Variants in KIF24 observed in about 807,000 individuals in gnomAD.
KIF24 encodes kinesin-like protein KIF24.
A neutral mutation model predicts 118.9 loss-of-function variants in KIF24; 81 were observed. The ratio of observed to expected loss-of-function variants is 0.68; its 90% CI spans 0.57 to 0.82. The LOEUF is 0.82. Ranked by LOEUF, KIF24 falls within the 40% of genes least tolerant of loss-of-function variation. KIF24 has a pLI of 0.00. For missense variants in KIF24, 1,560 were observed against 1,661.6 expected, an observed-to-expected ratio of 0.94 and a Z score of 1.06; for synonymous variants, 599 against 610.0, an observed-to-expected ratio of 0.98 and a Z score of 0.27.
At chr9:34,295,152 A>C (rs1836415437) in intron 4 of KIF24, among the ~76,000 whole-genome samples, 2 of 151,586 alleles carry the variant, frequency 1.3e-5, no homozygotes, top group Admixed American at 1.3e-4. Context: ...GGTAGATTAG[A>C]TAGGTAGGTA....
At chr9:34,275,348 C>T (rs943617001) in intron 6 of KIF24, among the ~76,000 whole-genome samples, 20 of 151,806 alleles carry the variant, frequency 1.3e-4, no homozygotes, top group Middle Eastern at 3.4e-3. Flanking sequence ...GAACTGATAT[C>T]GCACCACTGC....
upstream of KIF24, among the ~76,000 whole-genome samples, chr9:34,329,806 A>G (rs2131847561): frequency 6.6e-6 from 1 of 152,054 alleles, no homozygotes; most frequent in Admixed American, 6.6e-5. Context: ...GGGAGAAGGG[A>G]GGTTCCCTGA....
chr9:34,263,095 CTT>C lies in KIF24; in HGVS notation c.1515+4_1515+5del. On this transcript the variant is annotated splice_donor_5th_base_variant and intron_variant, in intron 9 of 12. Coordinates refer to ENST00000402558, the MANE Select transcript of KIF24 (RefSeq NM_194313.4). ...GAACAAACTCAAGGCTCACATTTAA[CTT>C]TACCTGAGTTAGTTTGCTTTGCCTG... The C allele has an allele frequency of 6.2e-7, 1 of 1,607,624 alleles. No individual in the cohort carries two copies. Among genetic ancestry groups the C allele is most frequent in the Non-Finnish European group, 8.5e-7 (1 of 1,174,654 alleles).
In KIF24 at chr9:34,277,406, T is replaced by A. The variant is rs571847535; in HGVS notation, c.1216-5476A>T. Among the ~76,000 whole-genome samples the A allele has an allele frequency of 5.3e-5, 8 of 152,294 alleles. No homozygotes were observed. The South Asian group carries it at 1.7e-3, about 32-fold the overall frequency. ...CTCTTCTACATGTGAGTAATGATGT[T>A]ACTAATGATGCTAGTCCACTGAGAC... On this transcript the variant is annotated intron_variant, in intron 6 of 12. Transcript: ENST00000402558.
chr9:34,316,209 G>A (rs1344151298), intron 1 of KIF24, among the ~76,000 whole-genome samples: 1 of 150,522 alleles, frequency 6.6e-6, no homozygotes, highest in Non-Finnish European at 1.5e-5. Flanking sequence ...TTAGCTGGGT[G>A]TGGTGGCAAG....
rs2131665494 is a variant in KIF24 at position 34,257,541 on chromosome 9, C to T, written c.2066G>A (p.Gly689Asp). The T allele has an allele frequency of 6.2e-7, 1 of 1,614,078 alleles. No homozygotes were observed. The highest frequency in any genetic ancestry group is 8.5e-7 in the Non-Finnish European group (1 of 1,179,894). Residue 689 changes from glycine to aspartate, a missense_variant, in exon 11 of 13, where the codon GGC becomes GAC. Around this residue, in one of 3 missense-constraint regions of KIF24, gnomAD observed 964 missense variants for 988.0 expected, o/e 0.98. Transcript: ENST00000402558. Reference sequence around the variant, plus strand: ...ACCACGCACTAGGCCTTCTCCTGGGCCTGAGGCCCTGCTTTCCCACCCAAG... The same window carrying T: ...ACCACGCACTAGGCCTTCTCCTGGGTCTGAGGCCCTGCTTTCCCACCCAAG... Reference protein sequence around the residue: ...TVLGWESRASGPGEGLVRGKL... With the variant: ...TVLGWESRASDPGEGLVRGKL...
chr9:34,279,452 C>T (rs1835767479), intron 6 of KIF24, among the ~76,000 whole-genome samples: 1 of 152,214 alleles, frequency 6.6e-6, no homozygotes, highest in Admixed American at 6.5e-5. Context: ...ATCTCTAAAA[C>T]TGAAAAACAT....
rs1341270125 is a variant in KIF24, at chr9:34,257,886, G to A, written c.1721C>T (p.Ser574Phe). 3.1e-6 allele frequency: 5 copies of A among 1,614,034 alleles called. No individual in the cohort carries two copies. Among genetic ancestry groups the A allele is most frequent in the Non-Finnish European group, 4.2e-6 (5 of 1,179,892 alleles). Residue 574 changes from serine (S) to phenylalanine (F), a missense_variant, in exon 11 of 13, where the codon TCC (serine) becomes TTC (phenylalanine). Physicochemically the swap from Ser to Phe is radical, Grantham distance 155. This residue lies in a region of KIF24 where 964 missense variants were observed against 988.0 expected (regional missense o/e 0.98). Coordinates refer to ENST00000402558, the MANE Select transcript of KIF24 (RefSeq NM_194313.4). ...GNSSPKRIQS[S>F]PGALSEDKCS... ...TTTGTCCTCTGACAAAGCCCCAGGGGAGCTCTGAATTCGTTTTGGAGAGGA... is the reference window on the plus strand; with the variant it reads ...TTTGTCCTCTGACAAAGCCCCAGGGAAGCTCTGAATTCGTTTTGGAGAGGA...
rs555031202 is a variant in KIF24 at position 34,256,402 on chromosome 9, C to G, written c.3205G>C (p.Glu1069Gln). ...NPDNEGSPPS[E>Q]QLVQDGATHS... is the part of the protein sequence containing the mutation. ...GTAGCCCCATCCTGGACCAGCTGCT[C>G]CGAGGGAGGAGACCCTTCGTTGTCT... Residue 1069 changes from glutamate (E) to glutamine (Q), a missense_variant, in exon 11 of 13, where the codon GAG becomes CAG. Glu to Gln is a conservative substitution (Grantham distance 29). Around this residue, in one of 3 missense-constraint regions of KIF24, gnomAD observed 591 missense variants for 655.6 expected, o/e 0.90. Coordinates refer to ENST00000402558, the MANE Select transcript of KIF24 (RefSeq NM_194313.4). The G allele has an allele frequency of 6.2e-7, 1 of 1,613,932 alleles. No individual in the cohort carries two copies. Among genetic ancestry groups the G allele is most frequent in the Admixed American group, 1.7e-5 (1 of 60,028 alleles).
At chr9:34,304,896 T>A (rs1287634537) in intron 3 of KIF24, among the ~76,000 whole-genome samples, 1 of 152,126 alleles carries the variant, frequency 6.6e-6, no homozygotes, top group African/African-American at 2.4e-5. Flanking sequence ...CATACCAGAT[T>A]TTTTTTTCTT....
intron 8 of KIF24, among the ~76,000 whole-genome samples, chr9:34,264,064 G>A (rs1049927740): frequency 2.4e-4 from 37 of 152,104 alleles, no homozygotes; most frequent in African/African-American, 8.0e-4. Context: ...GTCGTGGGGG[G>A]CAAGATGAGG....
At chr9:34,307,247 T>C (rs1051503638) in intron 2 of KIF24, among the ~76,000 whole-genome samples, 1 of 152,112 alleles carries the variant, frequency 6.6e-6, no homozygotes, top group Non-Finnish European at 1.5e-5. Context: ...GTAATTTTTG[T>C]AGGGACAGGG....
chr9:34,318,744 C>A lies in KIF24; in HGVS notation c.-25-7373G>T. 4.7e-6 allele frequency: 7 copies of A among 1,501,030 alleles called. No individual in the cohort carries two copies. Among genetic ancestry groups the A allele is most frequent in the East Asian group, 2.3e-5 (1 of 42,886 alleles). 93.0% of individuals were successfully genotyped at this position (1,501,030 alleles called of 1,614,324 possible). On this transcript the variant is annotated intron_variant, in intron 1 of 12. Coordinates refer to ENST00000402558, the MANE Select transcript of KIF24 (RefSeq NM_194313.4). The surrounding 1 kb of genome is among the most constrained non-coding windows in gnomAD (Gnocchi z 4.9). Reference sequence around the variant, plus strand: ...GAGGTGCACGCCGGCGTGGGCGAGCCGCTGCGTTCACTCAGCAACTCCACC... The same window carrying A: ...GAGGTGCACGCCGGCGTGGGCGAGCAGCTGCGTTCACTCAGCAACTCCACC...
chr9:34,276,141 G>A (rs998048003), intron 6 of KIF24, among the ~76,000 whole-genome samples: 2 of 151,968 alleles, frequency 1.3e-5, no homozygotes, highest in East Asian at 1.9e-4. Context: ...GGTGGCTCAC[G>A]CCTATAATCC....
At chr9:34,304,292 T>C (rs1279847810) in intron 3 of KIF24, among the ~76,000 whole-genome samples, 3 of 152,128 alleles carry the variant, frequency 2.0e-5, no homozygotes, top group Non-Finnish European at 4.4e-5. Context: ...TATCATAGCA[T>C]TGACAGGTAA....
intron 5 of KIF24, among the ~76,000 whole-genome samples, chr9:34,287,954 C>T (rs953517893): frequency 4.0e-5 from 6 of 151,696 alleles, no homozygotes; most frequent in East Asian, 1.9e-4. Context: ...TAGAGCCCTG[C>T]TGTCATTCCT....
chr9:34,282,029 A>T (rs1210830383), intron 6 of KIF24, among the ~76,000 whole-genome samples: 1 of 152,208 alleles, frequency 6.6e-6, no homozygotes, highest in Admixed American at 6.5e-5. Context: ...TTTCACTCCT[A>T]GGCATACACC....
intron 1 of KIF24, among the ~76,000 whole-genome samples, chr9:34,312,009 A>G (rs1837187254): frequency 6.6e-6 from 1 of 152,198 alleles, no homozygotes; most frequent in African/African-American, 2.4e-5. Context: ...AATAATGAAC[A>G]GGGGCTAAGA....
In KIF24 at chr9:34,255,765, G is replaced by A. The variant is rs138854176; in HGVS notation, c.3842C>T (p.Thr1281Ile). Residue 1281 changes from threonine to isoleucine, a missense_variant, in exon 11 of 13, where the codon ACA (threonine) becomes ATA (isoleucine). Coordinates refer to ENST00000402558, the MANE Select transcript of KIF24 (RefSeq NM_194313.4). ...VPSCSPKTAG[T>I]LRQPTLEQAQ... Reference sequence around the variant, plus strand: ...TTGCTCCAGGGTGGGCTGACGGAGTGTCCCTGCAGTCTTGGGAGAGCAGCT... The same window carrying A: ...TTGCTCCAGGGTGGGCTGACGGAGTATCCCTGCAGTCTTGGGAGAGCAGCT... 1 of 1,613,608 alleles carries A rather than the reference G, an allele frequency of 6.2e-7. No homozygotes were observed. Among genetic ancestry groups the A allele is most frequent in the South Asian group, 1.1e-5 (1 of 91,022 alleles).
Sources: gnomAD v4.1 joint callset for allele counts (sites outside exome capture counted in the v4.1 genomes callset) on GRCh38, gnomAD v4.1.1 for gene constraint, gnomAD v4.1.1 regional missense constraint, Gnocchi (gnomAD v3.1) non-coding constraint, MANE v1.5 for transcripts, NCBI Gene and HGNC (gene_info 2026-07-23, HGNC 2026-07-21) for gene names.